ME1: variants seen among roughly 807,000 people sequenced by gnomAD.
ME1 encodes the protein malic enzyme 1.
A neutral mutation model predicts 66.4 loss-of-function variants in ME1; 74 were observed. The ratio of observed to expected loss-of-function variants is 1.11; its 90% CI spans 0.92 to 1.35. The LOEUF (loss-of-function observed/expected upper bound fraction) is 1.35, where lower values mean the gene tolerates loss of function less well. Ranked by LOEUF, ME1 falls within the 40% of genes most tolerant of loss-of-function variation. ME1 has a pLI of 0.00. For missense variants in ME1, 750 were observed against 694.1 expected (o/e 1.08, Z -0.90); for synonymous variants, 251 against 235.6 (o/e 1.07, Z -0.60).
chr6:83,235,823 A>G (rs953847315), intron 9 of ME1, among the ~76,000 whole-genome samples: 15 of 152,178 alleles, frequency 9.9e-5, no homozygotes, highest in Admixed American at 9.8e-4. Flanking sequence ...CTCTGTCTTT[A>G]TATATACTTA....
intron 6 of ME1, among the ~76,000 whole-genome samples, chr6:83,281,115 T>C (rs1263082602): frequency 6.6e-6 from 1 of 152,202 alleles, no homozygotes; most frequent in Non-Finnish European, 1.5e-5. Flanking sequence ...TTAGAATAGC[T>C]ATACAAGTCT....
In ME1 at chr6:83,228,941, G is replaced by A. The variant is rs1355530294; in HGVS notation, c.1027-10C>T. The A allele has an allele frequency of 6.4e-6, 10 of 1,574,688 alleles. No individual in the cohort carries two copies. Among genetic ancestry groups the A allele is most frequent in the Middle Eastern group, 1.7e-4 (1 of 5,866 alleles). ...TTAAGGAAGCACGTCCCTAAGTAAA[G>A]CCAGTAAGAAAAAATTAAGAATCTG... On this transcript the variant is annotated splice_polypyrimidine_tract_variant and intron_variant, in intron 9 of 13. Coordinates refer to ENST00000369705, the MANE Select transcript of ME1 (RefSeq NM_002395.6).
At chr6:83,248,565 G>A (rs528984040) in intron 7 of ME1, among the ~76,000 whole-genome samples, 31 of 152,258 alleles carry the variant, frequency 2.0e-4, no homozygotes, top group African/African-American at 7.0e-4. Flanking sequence ...GGGACCTGTA[G>A]TTCCCACGTG....
chr6:83,318,137 A>C (rs1331831704), intron 5 of ME1, among the ~76,000 whole-genome samples: 2 of 150,434 alleles, frequency 1.3e-5, no homozygotes, highest in Non-Finnish European at 3.0e-5. Flanking sequence ...CTTACACCTT[A>C]TACAAAAATC....
At chr6:83,414,111 GAAAA>G (rs758493692) in intron 1 of ME1, among the ~76,000 whole-genome samples, 68 of 66,498 alleles carry the variant, frequency 1.0e-3, no homozygotes, top group African/African-American at 3.2e-3. Flanking sequence ...ACCCCATCTT[GAAAA>G]AAAAAAAAAA....
chr6:83,377,966 G>A (rs1769324472), intron 3 of ME1, among the ~76,000 whole-genome samples: 1 of 151,990 alleles, frequency 6.6e-6, no homozygotes, highest in Non-Finnish European at 1.5e-5. Flanking sequence ...AAAAATGAGA[G>A]GAACCACAGA....
chr6:83,350,019 T>C (rs1583395018), intron 4 of ME1, among the ~76,000 whole-genome samples: 1 of 152,204 alleles, frequency 6.6e-6, no homozygotes, highest in Non-Finnish European at 1.5e-5. Context: ...CAGCCTTCTC[T>C]AAATAATATT....
At chr6:83,352,438 A>G (rs974047312) in intron 3 of ME1, among the ~76,000 whole-genome samples, 4 of 152,192 alleles carry the variant, frequency 2.6e-5, no homozygotes, top group African/African-American at 9.6e-5. Context: ...TTTAGATACC[A>G]TTATCAGTTC....
intron 1 of ME1, among the ~76,000 whole-genome samples, chr6:83,427,327 T>C (rs1166848891): frequency 6.6e-6 from 1 of 152,226 alleles, no homozygotes; most frequent in Non-Finnish European, 1.5e-5. Flanking sequence ...TTAAGTTTTT[T>C]GAAAATTTTT....
chr6:83,258,279 C>G (rs1766820129), intron 6 of ME1, among the ~76,000 whole-genome samples: 2 of 152,046 alleles, frequency 1.3e-5, no homozygotes, highest in African/African-American at 4.8e-5. Flanking sequence ...TGGTAGTTAA[C>G]TCTGATTTGA....
chr6:83,332,181 A>G (rs1307090414), intron 5 of ME1, among the ~76,000 whole-genome samples: 1 of 152,216 alleles, frequency 6.6e-6, no homozygotes, highest in African/African-American at 2.4e-5. Context: ...ACTTAGTATT[A>G]TTAACTTAAA....
chr6:83,263,648 C>G (rs1766935617), intron 6 of ME1, among the ~76,000 whole-genome samples: 1 of 152,104 alleles, frequency 6.6e-6, no homozygotes, highest in Non-Finnish European at 1.5e-5. Context: ...CCCTAACTCT[C>G]TTCAATTCTA....
rs1350772429 is a variant in ME1 at position 83,253,701 on chromosome 6, C to T, written c.742G>A (p.Ala248Thr). Reference protein sequence around the residue: ...MNCLIQFEDFANVNAFRLLNK... With the variant: ...MNCLIQFEDFTNVNAFRLLNK... ...AGGAGACGAAATGCATTCACATTGG[C>T]AAAATCTTCAAACTGAATAAGGCAA... The change falls in exon 7 of 14, where the codon GCC becomes ACC. Residue 248 changes from alanine to threonine, a missense_variant. Transcript: ENST00000369705. 3.7e-6 allele frequency: 6 copies of T among 1,609,480 alleles called. No individual in the cohort carries two copies. Among genetic ancestry groups the T allele is most frequent in the Non-Finnish European group, 5.1e-6 (6 of 1,176,500 alleles).
intron 11 of ME1, among the ~76,000 whole-genome samples, chr6:83,225,204 TCAAAAAAAAAAAAA>T (rs1316421660): frequency 7.1e-5 from 4 of 56,050 alleles, no homozygotes; most frequent in Non-Finnish European, 1.2e-4. Context: ...AGACTCCATC[TCAAAAAAAAAAAAA>T]AAAAAAAAAA....
intron 6 of ME1, among the ~76,000 whole-genome samples, chr6:83,306,898 T>C (rs959361757): frequency 6.6e-6 from 1 of 152,006 alleles, no homozygotes; most frequent in African/African-American, 2.4e-5. Context: ...ACAAAAACAG[T>C]GTAAAACATT....
intron 2 of ME1, among the ~76,000 whole-genome samples, chr6:83,400,379 G>A (rs1769817023): frequency 6.6e-6 from 1 of 152,056 alleles, no homozygotes; most frequent in Non-Finnish European, 1.5e-5. Flanking sequence ...GCAGATAATT[G>A]GTGCCATGTT....
chr6:83,315,350 CA>C lies in ME1; in HGVS notation c.663del (p.Tyr221Ter). The C allele has an allele frequency of 6.2e-7, 1 of 1,612,380 alleles. No individual in the cohort carries two copies. Among genetic ancestry groups the C allele is most frequent in the East Asian group, 2.2e-5 (1 of 44,748 alleles). ...LRQRRVRGSE[Y>X]DDFLDEFMEA... The stretch of plus-strand genomic sequence containing the variant: ...TCCATGAATTCGTCCAAAAAATCAT[CA>C]TATTCAGAACCTCTTACTCTTCTCT... On this transcript the variant is annotated frameshift_variant, in exon 6 of 14. Coordinates refer to ENST00000369705, the MANE Select transcript of ME1 (RefSeq NM_002395.6). LOFTEE classifies it high-confidence loss of function.
chr6:83,348,367 T>C (rs777005753), intron 4 of ME1, among the ~76,000 whole-genome samples: 4 of 152,190 alleles, frequency 2.6e-5, no homozygotes, highest in Non-Finnish European at 5.9e-5. Context: ...TTACATATCG[T>C]TGATAATATA....
In ME1 at chr6:83,212,634, G is replaced by A. The variant is rs370663467; in HGVS notation, c.1549-540C>T. ...GTTTCATGCATAATTCTAGTCCCTCGTCTGGGGACCCCTCAGAGCTGGCTT... is the reference window on the plus strand; with the variant it reads ...GTTTCATGCATAATTCTAGTCCCTCATCTGGGGACCCCTCAGAGCTGGCTT... On this transcript the variant is annotated intron_variant, in intron 13 of 13. Coordinates refer to ENST00000369705, the MANE Select transcript of ME1 (RefSeq NM_002395.6). Among the ~76,000 whole-genome samples the A allele has an allele frequency of 7.9e-5, 12 of 152,114 alleles. No individual in the cohort carries two copies. In the East Asian group the frequency reaches 1.3e-3, roughly 17 times the overall value.
Sources: gnomAD v4.1 joint callset for allele counts (sites outside exome capture counted in the v4.1 genomes callset) on GRCh38, gnomAD v4.1.1 for gene constraint, MANE v1.5 for transcripts, NCBI Gene and HGNC (gene_info 2026-07-23, HGNC 2026-07-21) for gene names.